The following SDK1 variants were observed in gnomAD, a reference collection of about 807,000 sequenced individuals.
SDK1 encodes protein sidekick-1.
Under a neutral mutation model 245.5 loss-of-function variants are expected in SDK1, and 157 were observed. The observed-to-expected ratio is 0.64, with a 90% confidence interval of 0.56 to 0.73. The LOEUF (loss-of-function observed/expected upper bound fraction) is 0.73, where lower values mean the gene tolerates loss of function less well. Ranked by LOEUF, SDK1 falls within the 30% of genes least tolerant of loss-of-function variation. The pLI, the probability that SDK1 is intolerant of heterozygous loss-of-function variation, is 0.00. For synonymous variants in SDK1, 1,647 were observed against 1,278.5 expected (o/e 1.29, Z -6.15); for missense variants, 3,583 against 3,002.3 (o/e 1.19, Z -4.52).
chr7:3,654,268 C>A (rs1783095312), intron 4 of SDK1, among the ~76,000 whole-genome samples: 1 of 152,170 alleles, frequency 6.6e-6, no homozygotes, highest in Admixed American at 6.5e-5. Context: ...CGGGAGTCCC[C>A]TTGTCTGAAC....
intron 36 of SDK1, among the ~76,000 whole-genome samples, chr7:4,207,515 C>T (rs1026394045): frequency 4.7e-4 from 72 of 152,276 alleles, no homozygotes; most frequent in African/African-American, 1.7e-3. Flanking sequence ...AGCCCTGAGC[C>T]CAACATAGTT....
At chr7:4,069,215 G>A (rs1780088235) in intron 20 of SDK1, among the ~76,000 whole-genome samples, 1 of 152,312 alleles carries the variant, frequency 6.6e-6, no homozygotes, top group African/African-American at 2.4e-5. Flanking sequence ...TTACAACTGA[G>A]GGGCTGTCAG....
At position 3,961,992 on chromosome 7, in the gene SDK1, C is replaced by CACAT. The variant is rs540625383; in HGVS notation, c.1235-662_1235-661insTACA. Among the ~76,000 whole-genome samples the CACAT allele has an allele frequency of 1.8e-3, 253 of 140,396 alleles. 1 individual carries two copies. The highest frequency in any genetic ancestry group is 7.7e-3 in the African/African-American group (247 of 32,076). 92.1% of individuals were successfully genotyped at this position (140,396 alleles called of 152,430 possible). On this transcript the variant is annotated intron_variant, in intron 8 of 44. Transcript: ENST00000404826. Reference sequence around the variant, plus strand: ...AAACACATGCACATATATGCACAAACACACACACATACACACATGTAAACA... The same window carrying CACAT: ...AAACACATGCACATATATGCACAAACACATACACACACATACACACATGTAAACA...
At chr7:4,187,359 C>T (rs776322372) in intron 35 of SDK1, among the ~76,000 whole-genome samples, 9 of 152,230 alleles carry the variant, frequency 5.9e-5, no homozygotes, top group South Asian at 4.1e-4. Context: ...TCTTTTCCAA[C>T]GTCTCCAATG....
intron 12 of SDK1, among the ~76,000 whole-genome samples, chr7:3,971,952 C>T (rs953198210): frequency 2.6e-5 from 4 of 152,064 alleles, no homozygotes; most frequent in Admixed American, 2.0e-4. Flanking sequence ...GAGTTCTTTA[C>T]TCTCGGGATA....
intron 1 of SDK1, among the ~76,000 whole-genome samples, chr7:3,529,113 A>G (rs1783254365): frequency 6.6e-6 from 1 of 152,212 alleles, no homozygotes; most frequent in Admixed American, 6.5e-5. Context: ...GGAAAGGGGA[A>G]AGATTAAAAA....
rs75419796 is a variant in SDK1, at chr7:4,127,853, G to A, written c.3939+357G>A. Among the ~76,000 whole-genome samples, 1,402 of 152,344 alleles carry A rather than the reference G, an allele frequency of 9.2e-3. 20 individuals carry two copies. Among genetic ancestry groups the A allele is most frequent in the African/African-American group, 0.032 (1,326 of 41,584 alleles). ...TCCCCGCTTGTAAAACGGGAATAAC[G>A]ATGGTAGCTTTGTCCCAGGGTTGGT... On this transcript the variant is annotated intron_variant, in intron 26 of 44. Transcript: ENST00000404826.
chr7:3,830,548 T>C (rs1205374414), intron 5 of SDK1, among the ~76,000 whole-genome samples: 1 of 152,124 alleles, frequency 6.6e-6, no homozygotes, highest in Non-Finnish European at 1.5e-5. Context: ...CAGGCTGGAG[T>C]GCAGTGGCAC....
intron 35 of SDK1, among the ~76,000 whole-genome samples, chr7:4,202,540 C>G (rs1474593368): frequency 6.6e-6 from 1 of 152,190 alleles, no homozygotes; most frequent in South Asian, 2.1e-4. Flanking sequence ...GCAGTCCTCC[C>G]TCAGTTGGAG....
intron 26 of SDK1, among the ~76,000 whole-genome samples, chr7:4,127,832 C>T (rs1005182151): frequency 1.3e-5 from 2 of 152,226 alleles, no homozygotes; most frequent in African/African-American, 2.4e-5. Flanking sequence ...TGTGTCTCCC[C>T]GCTTGTAAAA....
intron 1 of SDK1, among the ~76,000 whole-genome samples, chr7:3,575,427 C>G (rs145606305): frequency 6.6e-6 from 1 of 151,966 alleles, no homozygotes; most frequent in African/African-American, 2.4e-5. Context: ...GGGCATCAAA[C>G]GAATGAATTT....
chr7:4,182,225 C>T (rs1230737294), intron 35 of SDK1, among the ~76,000 whole-genome samples: 1 of 152,138 alleles, frequency 6.6e-6, no homozygotes, highest in Non-Finnish European at 1.5e-5. Context: ...CTGCCACTGC[C>T]CCAGGACACC....
intron 5 of SDK1, among the ~76,000 whole-genome samples, chr7:3,858,436 A>G (rs1045293111): frequency 6.6e-6 from 1 of 151,778 alleles, no homozygotes; most frequent in Non-Finnish European, 1.5e-5. Context: ...TACTACATGT[A>G]TATACATCTA....
At chr7:3,646,005 C>G (rs560122772) in intron 4 of SDK1, among the ~76,000 whole-genome samples, 1 of 152,204 alleles carries the variant, frequency 6.6e-6, no homozygotes, top group Non-Finnish European at 1.5e-5. Context: ...ATTACAGGCG[C>G]ACCCCACTAT....
chr7:3,463,946 T>C (rs1424754908), intron 1 of SDK1, among the ~76,000 whole-genome samples: 1 of 152,188 alleles, frequency 6.6e-6, no homozygotes, highest in Non-Finnish European at 1.5e-5. Context: ...GGGCTTTTTC[T>C]CCCAGCTCTG....
chr7:3,461,641 C>T (rs983612294), intron 1 of SDK1, among the ~76,000 whole-genome samples: 1 of 152,128 alleles, frequency 6.6e-6, no homozygotes, highest in Non-Finnish European at 1.5e-5. Flanking sequence ...GTTTCCTTTT[C>T]AGATCAAAAC....
intron 1 of SDK1, among the ~76,000 whole-genome samples, chr7:3,470,057 C>T (rs1358912901): frequency 6.6e-6 from 1 of 152,112 alleles, no homozygotes; most frequent in African/African-American, 2.4e-5. Context: ...CCATATTTAA[C>T]ACTAGCAGGG....
intron 4 of SDK1, among the ~76,000 whole-genome samples, chr7:3,811,931 G>A (rs1296406806): frequency 6.6e-6 from 1 of 152,202 alleles, no homozygotes; most frequent in Non-Finnish European, 1.5e-5. Context: ...GGTTGGACCT[G>A]CGTGCTTTGT....
intron 1 of SDK1, among the ~76,000 whole-genome samples, chr7:3,374,434 G>A (rs1209262323): frequency 6.6e-6 from 1 of 152,108 alleles, no homozygotes; most frequent in South Asian, 2.1e-4. Context: ...TTGGAGGTTG[G>A]GTTGCCTTAC....
Sources: gnomAD v4.1 joint callset for allele counts (sites outside exome capture counted in the v4.1 genomes callset) on GRCh38, gnomAD v4.1.1 for gene constraint, MANE v1.5 for transcripts, NCBI Gene and HGNC (gene_info 2026-07-23, HGNC 2026-07-21) for gene names.